The following PARD3B variants were observed in gnomAD, a reference collection of about 807,000 sequenced individuals.
PARD3B encodes the protein partitioning defective 3 homolog B.
PARD3B carries 103 observed loss-of-function variants against 130.2 expected under a neutral mutation model. The ratio of observed to expected loss-of-function variants is 0.79; its 90% CI spans 0.67 to 0.93. The LOEUF is 0.93. PARD3B is among the 40% of genes least tolerant of loss of function. The pLI is 0.00. For missense variants in PARD3B, 1,609 were observed against 1,499.2 expected, an observed-to-expected ratio of 1.07 and a Z score of -1.21; for synonymous variants, 583 against 553.2, an observed-to-expected ratio of 1.05 and a Z score of -0.76.
rs183277463 is a variant in PARD3B, at chr2:205,438,777, C to A, written c.2742-1593C>A. Among the ~76,000 whole-genome samples, 37 of 152,186 alleles carry A rather than the reference C, an allele frequency of 2.4e-4. No individual in the cohort carries two copies. The East Asian group carries it at 7.0e-3, about 29-fold the overall frequency. ...AGAATCCCTTGGAAATTCAAGTTGC[C>A]GTATGCAAAAATATAAATTCTTCTA... On this transcript the variant is annotated intron_variant, in intron 19 of 22. Coordinates refer to ENST00000406610, the MANE Select transcript of PARD3B (RefSeq NM_001302769.2).
chr2:205,542,036 G>A (rs150673765), intron 21 of PARD3B, among the ~76,000 whole-genome samples: 1 of 150,360 alleles, frequency 6.7e-6, no homozygotes, highest in Non-Finnish European at 1.5e-5. Context: ...TCAGCTACTC[G>A]GGAAGCTGAG....
chr2:205,602,747 G>A (rs2054838512), intron 22 of PARD3B, among the ~76,000 whole-genome samples: 1 of 151,878 alleles, frequency 6.6e-6, no homozygotes, highest in African/African-American at 2.4e-5. Flanking sequence ...TTCTATTTGA[G>A]TCTTCTTTTC....
intron 2 of PARD3B, among the ~76,000 whole-genome samples, chr2:204,786,994 TTAGAGTC>T: frequency 6.6e-6 from 1 of 152,210 alleles, no homozygotes; most frequent in East Asian, 1.9e-4. Context: ...TTTTGTTTCT[TTAGAGTC>T]TAGATCAACA....
Position 205,421,607 on chromosome 2 carries a change from C to T in PARD3B, c.2742-18763C>T, listed in dbSNP as rs576069659. 6.6e-6 allele frequency among the ~76,000 whole-genome samples: 1 copy of T among 152,292 alleles called. No homozygotes were observed. The highest frequency in any genetic ancestry group is 1.9e-4 in the East Asian group (1 of 5,180). ...TACCTAAATACTTCTCTTTAGGTCT[C>T]ATCATCAGTTCCATTCATTCATAAT... On this transcript the variant is annotated intron_variant, in intron 19 of 22. Transcript: ENST00000406610. This position sits in a 1 kb window ranked among gnomAD's most constrained non-coding sequence, Gnocchi z 5.1.
At chr2:205,374,612 T>C (rs2044964105) in intron 18 of PARD3B, among the ~76,000 whole-genome samples, 1 of 152,216 alleles carries the variant, frequency 6.6e-6, no homozygotes, top group Admixed American at 6.5e-5. Context: ...TCTTGTTTCC[T>C]GGTTTTATTT....
chr2:205,214,031 A>G (rs976454953), intron 15 of PARD3B, among the ~76,000 whole-genome samples: 9 of 152,104 alleles, frequency 5.9e-5, no homozygotes, highest in Non-Finnish European at 1.3e-4. Context: ...TCTTCTGTTC[A>G]TTACAGGCAT....
intron 3 of PARD3B, among the ~76,000 whole-genome samples, chr2:205,005,192 G>C (rs1163588415): frequency 6.6e-6 from 1 of 151,570 alleles, no homozygotes; most frequent in Admixed American, 6.6e-5. Context: ...TATACACACA[G>C]AGAGAAAGTA....
intron 10 of PARD3B, among the ~76,000 whole-genome samples, chr2:205,135,122 A>G (rs896276606): frequency 1.3e-5 from 2 of 152,168 alleles, no homozygotes; most frequent in Non-Finnish European, 2.9e-5. Flanking sequence ...GAATTTATAT[A>G]TTTGAACAGC....
chr2:205,388,989 G>T (rs545843790), intron 18 of PARD3B, among the ~76,000 whole-genome samples: 1 of 152,254 alleles, frequency 6.6e-6, no homozygotes, highest in African/African-American at 2.4e-5. Context: ...GGAAAGAGGG[G>T]GTGGTTCTAA....
At chr2:205,553,678 A>C (rs566491731) in intron 22 of PARD3B, among the ~76,000 whole-genome samples, 15 of 152,308 alleles carry the variant, frequency 9.8e-5, no homozygotes, top group African/African-American at 3.6e-4. Flanking sequence ...CATTGCTATA[A>C]AACTGGTATC....
At chr2:205,540,653 G>T (rs2052085159) in intron 21 of PARD3B, among the ~76,000 whole-genome samples, 1 of 152,122 alleles carries the variant, frequency 6.6e-6, no homozygotes, top group South Asian at 2.1e-4. Flanking sequence ...AGAAGCCACG[G>T]TGGATTTTCA....
At position 204,606,138 on chromosome 2, in the gene PARD3B, C is replaced by T. The variant is rs111878383; in HGVS notation, c.120+60019C>T. On this transcript the variant is annotated intron_variant, in intron 1 of 22. Coordinates refer to ENST00000406610, the MANE Select transcript of PARD3B (RefSeq NM_001302769.2). The surrounding 1 kb of genome is among the most constrained non-coding windows in gnomAD (Gnocchi z 4.0). ...ATGTGGTCAGGTTTTGTCTCTCCAACTCCGATATATGCTTCTTGAGGTCAA... is the reference window on the plus strand; with the variant it reads ...ATGTGGTCAGGTTTTGTCTCTCCAATTCCGATATATGCTTCTTGAGGTCAA... Among the ~76,000 whole-genome samples, 2,231 of 152,270 alleles carry T rather than the reference C, an allele frequency of 0.015. 52 individuals carry two copies. Among genetic ancestry groups the T allele is most frequent in the African/African-American group, 0.051 (2,111 of 41,550 alleles).
At chr2:204,563,267 T>TCTCTCTCTCTCTCTCTC (rs1559158190) in intron 1 of PARD3B, among the ~76,000 whole-genome samples, 10 of 59,306 alleles carry the variant, frequency 1.7e-4, no homozygotes, top group African/African-American at 5.1e-4. Flanking sequence ...CTCTCTCTCT[T>TCTCTCTCTCTCTCTCTC]TCTCTCTTCT....
intron 22 of PARD3B, among the ~76,000 whole-genome samples, chr2:205,603,330 T>C (rs2054863060): frequency 1.3e-5 from 2 of 152,284 alleles, no homozygotes; most frequent in African/African-American, 4.8e-5. Context: ...TATTCTGTTG[T>C]TTTGGGGTGG....
intron 1 of PARD3B, among the ~76,000 whole-genome samples, chr2:204,567,551 C>T (rs965007214): frequency 2.0e-5 from 3 of 152,204 alleles, no homozygotes; most frequent in Non-Finnish European, 1.5e-5. Flanking sequence ...AATTTCCTTC[C>T]TTATCAAGGT....
intron 2 of PARD3B, among the ~76,000 whole-genome samples, chr2:204,747,106 T>C (rs1189945278): frequency 2.0e-5 from 3 of 152,158 alleles, no homozygotes; most frequent in African/African-American, 7.2e-5. Context: ...TTTTTATGGT[T>C]TTAGGTCTAA....
At position 204,959,599 on chromosome 2, in the gene PARD3B, T is replaced by G. The variant is rs535552850; in HGVS notation, c.223-5553T>G. On this transcript the variant is annotated intron_variant, in intron 2 of 22. Coordinates refer to ENST00000406610, the MANE Select transcript of PARD3B (RefSeq NM_001302769.2). ...AACTAATTTACACTCCCACCAACAG[T>G]GTAAAAGTGTTTGTTTGTTGTTCTT... Among the ~76,000 whole-genome samples, 5 of 152,318 alleles carry G rather than the reference T, an allele frequency of 3.3e-5. No homozygotes were observed. In the South Asian group the frequency reaches 1.0e-3, roughly 32 times the overall value.
intron 16 of PARD3B, among the ~76,000 whole-genome samples, chr2:205,298,192 G>A (rs1196696707): frequency 6.6e-6 from 1 of 152,118 alleles, no homozygotes; most frequent in Non-Finnish European, 1.5e-5. Context: ...GAGAATCAGG[G>A]CTTTCTCAGA....
At chr2:205,314,402 C>T (rs1039700965) in intron 18 of PARD3B, among the ~76,000 whole-genome samples, 1 of 152,174 alleles carries the variant, frequency 6.6e-6, no homozygotes, top group Non-Finnish European at 1.5e-5. Context: ...ACACCAACCA[C>T]GCTTCAGTGT....
Sources: allele counts gnomAD v4.1 joint callset (sites outside exome capture counted in the v4.1 genomes callset), GRCh38; gene constraint gnomAD v4.1.1; non-coding constraint Gnocchi (gnomAD v3.1); transcripts MANE v1.5; gene names NCBI Gene and HGNC (gene_info 2026-07-23, HGNC 2026-07-21).